Variants in NAXD observed in about 807,000 individuals in gnomAD.
The protein encoded by NAXD is NAD(P)HX dehydratase.
A neutral mutation model predicts 35.8 loss-of-function variants in NAXD; 22 were observed. That is an observed-to-expected ratio of 0.62 (90% CI 0.44 to 0.88). NAXD has a LOEUF of 0.88. Among genes scored for constraint, NAXD ranks in the 40% least tolerant of loss-of-function variants. The pLI is 0.00. For synonymous variants in NAXD, 189 were observed against 177.6 expected, an observed-to-expected ratio of 1.06 and a Z score of -0.51; for missense variants, 428 against 437.7, an observed-to-expected ratio of 0.98 and a Z score of 0.20.
intron 1 of NAXD, among the ~76,000 whole-genome samples, chr13:110,616,937 G>T (rs1886082281): frequency 6.6e-6 from 1 of 152,158 alleles, no homozygotes; most frequent in Non-Finnish European, 1.5e-5. Context: ...GCACTGGGTG[G>T]CGCTGAGAGG....
intron 1 of NAXD, among the ~76,000 whole-genome samples, chr13:110,619,702 G>A (rs1886187669): frequency 6.6e-6 from 1 of 152,142 alleles, no homozygotes; most frequent in South Asian, 2.1e-4. Context: ...GCGTGTACAT[G>A]CACTGCTGAC....
At chr13:110,615,508 C>A, upstream of NAXD, 1 of 1,226,332 alleles carries the variant, frequency 8.2e-7, no homozygotes, top group Non-Finnish European at 1.1e-6. Flanking sequence ...CTGCCGACAG[C>A]CGCGCGGAGG....
rs554406643 is a variant in NAXD, at chr13:110,629,850, C to T, written c.441+2303C>T. ...ATTTTCCATTCCCTCTAGCAGTGTG[C>T]GAGGGCTCTGATTCTCCACATCGTT... On this transcript the variant is annotated intron_variant, in intron 5 of 9. Coordinates refer to ENST00000680254, the MANE Select transcript of NAXD (RefSeq NM_001242882.2). Among the ~76,000 whole-genome samples, 9 of 152,210 alleles carry T rather than the reference C, an allele frequency of 5.9e-5. No homozygotes were observed. The East Asian group carries it at 7.7e-4, about 13-fold the overall frequency.
At chr13:110,637,335 C>A in intron 9 of NAXD, 86 bp downstream of exon 9, 1 of 1,473,148 alleles carries the variant, frequency 6.8e-7, no homozygotes, top group Non-Finnish European at 9.4e-7. Context: ...AATAAGTAGC[C>A]CTGGAAACAC....
chr13:110,634,934 C>T (rs779516664), intron 7 of NAXD, among the ~76,000 whole-genome samples, 158 bp downstream of exon 7: 2 of 152,196 alleles, frequency 1.3e-5, no homozygotes, highest in Admixed American at 6.5e-5. Context: ...CCCATTAATG[C>T]GCTTGGATTG....
rs759562313 is a variant in NAXD, at chr13:110,635,536, C to T, written c.666C>T (p.Asn222=). ...SVLRLSQALG[N]VTVVQKGERD... ...TAAGACTCAGCCAAGCCCTGGGCAA[C>T]GTGACGGTGGTCCAGAAAGGAGAGC... is the stretch of plus-strand genomic sequence containing the variant. Residue 222 remains asparagine, a synonymous_variant, in exon 8 of 10, where the codon AAC becomes AAT. Transcript: ENST00000680254. The T allele has an allele frequency of 1.1e-4, 181 of 1,614,038 alleles. No individual in the cohort carries two copies. The highest frequency in any genetic ancestry group is 1.5e-4 in the Admixed American group (9 of 60,002).
chr13:110,635,299 C>A (rs1409011516), intron 7 of NAXD, among the ~76,000 whole-genome samples, 169 bp from the exon 8 acceptor site: 3 of 152,246 alleles, frequency 2.0e-5, no homozygotes, highest in Admixed American at 2.0e-4. Context: ...GGAGGACTCA[C>A]TGCAGGTGAT....
Position 110,627,455 on chromosome 13 carries a change from G to A in NAXD, c.349G>A (p.Val117Ile). 1 of 1,613,960 alleles carries A rather than the reference G, an allele frequency of 6.2e-7. No individual in the cohort carries two copies. Among genetic ancestry groups the A allele is most frequent in the South Asian group, 1.1e-5 (1 of 91,078 alleles). ...VHPVLDSPNA[V>I]HEVEKWLPRL... ...CTTCTTTAGTGACAGCCCCAATGCTGTTCATGAGGTGGAGAAGTGGCTGCC... is the reference window on the plus strand; with the variant it reads ...CTTCTTTAGTGACAGCCCCAATGCTATTCATGAGGTGGAGAAGTGGCTGCC... The change falls in exon 5 of 10, where the codon GTT becomes ATT. Residue 117 changes from valine (V) to isoleucine (I), a missense_variant. Transcript: ENST00000680254.
chr13:110,627,099 C>G (rs1333499657), intron 4 of NAXD, among the ~76,000 whole-genome samples: 2 of 151,994 alleles, frequency 1.3e-5, no homozygotes, highest in Admixed American at 6.5e-5. Flanking sequence ...TGGCCACATG[C>G]AGTGTGGGGC....
chr13:110,634,245 C>T (rs3759463), intron 5 of NAXD, among the ~76,000 whole-genome samples: 17,433 of 152,236 alleles, frequency 0.11, 1,083 homozygotes, highest in Middle Eastern at 0.16. Flanking sequence ...CTGCTGTAGC[C>T]GTACCACAGA....
chr13:110,621,925 G>A lies in NAXD; in HGVS notation c.47-291G>A, dbSNP rs549928256. Among the ~76,000 whole-genome samples the A allele has an allele frequency of 2.0e-5, 3 of 152,028 alleles. No homozygotes were observed. In the East Asian group the frequency reaches 5.8e-4, roughly 29 times the overall value. ...GACACCTATAATCCCAGCTGCTCAG[G>A]AGGCTGAGGCAGGAGAATTGCTTGA... On this transcript the variant is annotated intron_variant, in intron 1 of 9. Coordinates refer to ENST00000680254, the MANE Select transcript of NAXD (RefSeq NM_001242882.2).
intron 5 of NAXD, 42 bp from the exon 6 acceptor site, chr13:110,634,503 A>G: frequency 6.3e-7 from 1 of 1,594,520 alleles, no homozygotes; most frequent in Non-Finnish European, 8.6e-7. Context: ...CCCACACCAT[A>G]GCAGCAGGCA....
At chr13:110,626,713 C>T (rs566123851) in intron 4 of NAXD, among the ~76,000 whole-genome samples, 26 of 152,104 alleles carry the variant, frequency 1.7e-4, no homozygotes, top group Non-Finnish European at 1.5e-5. Context: ...GGAGATGAGG[C>T]CTGAGAACAG....
intron 1 of NAXD, among the ~76,000 whole-genome samples, chr13:110,618,985 A>G (rs571303608): frequency 1.2e-4 from 18 of 152,310 alleles, no homozygotes; most frequent in Admixed American, 2.6e-4. Context: ...CTGGTGCTGC[A>G]GTTGTGACCC....
At chr13:110,615,829 G>A in intron 1 of NAXD, 182 bp downstream of exon 1, 7 of 1,271,778 alleles carry the variant, frequency 5.5e-6, no homozygotes, top group Non-Finnish European at 7.0e-6. Flanking sequence ...GCCGCCGAGG[G>A]GCAGCCCGCG....
chr13:110,627,263 G>A (rs767565599), intron 4 of NAXD, among the ~76,000 whole-genome samples, 176 bp from the exon 5 acceptor site: 2 of 152,208 alleles, frequency 1.3e-5, no homozygotes, highest in Non-Finnish European at 2.9e-5. Context: ...GAGGCTAGGC[G>A]AAGGGTACAT....
rs879223027 is a variant in NAXD, at chr13:110,615,559, C to T, written c.-43C>T. On this transcript the variant is annotated 5_prime_UTR_variant, in exon 1 of 10. Coordinates refer to ENST00000680254, the MANE Select transcript of NAXD (RefSeq NM_001242882.2). ...AAAACGCTTCCAATGGCTGTGTTTC[C>T]GGCGACGGCGCGGGGGCAGCTGGGA... 8 of 1,335,854 alleles carry T rather than the reference C, an allele frequency of 6.0e-6. No individual in the cohort carries two copies. The African/African-American group carries it at 9.2e-5, about 15-fold the overall frequency. 82.8% of individuals were successfully genotyped at this position (1,335,854 alleles called of 1,614,324 possible). A position where few individuals can be genotyped will look rare whatever the true frequency, so the allele number is the denominator to read the frequency against.
At chr13:110,620,511 C>T (rs940843252) in intron 1 of NAXD, among the ~76,000 whole-genome samples, 6 of 147,438 alleles carry the variant, frequency 4.1e-5, no homozygotes, top group Non-Finnish European at 8.9e-5. Context: ...ACCAGGGGGT[C>T]GTAGGTTGCA....
chr13:110,617,375 A>G (rs1290810134), intron 1 of NAXD, among the ~76,000 whole-genome samples: 1 of 152,234 alleles, frequency 6.6e-6, no homozygotes, highest in African/African-American at 2.4e-5. Flanking sequence ...GAGTTACCGA[A>G]TGGGATACAT....
Sources: gnomAD v4.1 joint callset for allele counts (sites outside exome capture counted in the v4.1 genomes callset) on GRCh38, gnomAD v4.1.1 for gene constraint, MANE v1.5 for transcripts, NCBI Gene and HGNC (gene_info 2026-07-23, HGNC 2026-07-21) for gene names.